Variants in USH2A observed in about 807,000 individuals in gnomAD.
USH2A encodes the protein usherin.
Under a neutral mutation model 538.9 loss-of-function variants are expected in USH2A, and 443 were observed. The observed-to-expected ratio is 0.82, with a 90% CI of 0.76 to 0.89. The LOEUF is 0.89. Ranked by LOEUF, USH2A falls within the 40% of genes least tolerant of loss-of-function variation. The pLI is 0.00. For synonymous variants in USH2A, 2,413 were observed against 2,273.5 expected, an observed-to-expected ratio of 1.06 and a Z score of -1.75; for missense variants, 6,633 against 6,324.8, an observed-to-expected ratio of 1.05 and a Z score of -1.65.
At chr1:216,077,541 T>C (rs1487346630) in intron 27 of USH2A, among the ~76,000 whole-genome samples, 1 of 150,028 alleles carries the variant, frequency 6.7e-6, no homozygotes, top group Admixed American at 6.7e-5. Context: ...TTATCCAACA[T>C]ATGAGGAAAT....
intron 29 of USH2A, 167 bp downstream of exon 29, chr1:216,072,722 T>C: frequency 1.5e-6 from 1 of 683,112 alleles, no homozygotes; most frequent in Non-Finnish European, 2.6e-6. Context: ...AGCACTGATC[T>C]ACTAAGCATT....
intron 48 of USH2A, among the ~76,000 whole-genome samples, chr1:215,815,463 T>C (rs1391432496): frequency 6.6e-6 from 1 of 151,912 alleles, no homozygotes; most frequent in African/African-American, 2.4e-5. Flanking sequence ...GATTTAAAAT[T>C]AAACTAACCG....
chr1:215,720,047 T>C (rs1318283156), intron 61 of USH2A, among the ~76,000 whole-genome samples: 1 of 152,040 alleles, frequency 6.6e-6, no homozygotes, highest in African/African-American at 2.4e-5. Context: ...TTTAGAAAAA[T>C]AGGTGGTAAG....
intron 61 of USH2A, among the ~76,000 whole-genome samples, chr1:215,681,370 G>C (rs890380733): frequency 4.6e-5 from 7 of 151,386 alleles, no homozygotes; most frequent in Non-Finnish European, 1.0e-4. Flanking sequence ...GGCATTTTCT[G>C]TTGCGTACCA....
intron 4 of USH2A, among the ~76,000 whole-genome samples, chr1:216,357,369 C>T (rs1011877826): frequency 1.3e-5 from 2 of 151,938 alleles, no homozygotes; most frequent in Non-Finnish European, 2.9e-5. Flanking sequence ...AAAAATAATT[C>T]TCTCTGAAAA....
At chr1:215,965,233 A>AG in intron 37 of USH2A, 84 bp downstream of exon 37, 17 of 1,450,738 alleles carry the variant, frequency 1.2e-5, no homozygotes, top group Non-Finnish European at 1.5e-5. Flanking sequence ...GCTAAAAGAA[A>AG]GATTTTAGCC....
chr1:216,145,837 G>A (rs2102615019), intron 21 of USH2A, among the ~76,000 whole-genome samples: 1 of 151,766 alleles, frequency 6.6e-6, no homozygotes, highest in East Asian at 2.0e-4. Context: ...CACCCCCACT[G>A]AGCACCTTGC....
chr1:215,746,289 G>A (rs72740647), intron 58 of USH2A, among the ~76,000 whole-genome samples: 7,583 of 152,108 alleles, frequency 0.05, 223 homozygotes, highest in African/African-American at 0.075. Context: ...GCCCTGTAAC[G>A]GAATGGTCTT....
chr1:215,914,429 T>G (rs1420958019), intron 38 of USH2A, among the ~76,000 whole-genome samples: 2 of 152,124 alleles, frequency 1.3e-5, no homozygotes, highest in Admixed American at 6.6e-5. Flanking sequence ...TCAATTAACT[T>G]TTCTGATTTC....
chr1:215,999,104 TA>T, intron 33 of USH2A, 46 bp from the exon 34 acceptor site: 1 of 1,504,964 alleles, frequency 6.6e-7, no homozygotes. Context: ...AAGTCAAAAC[TA>T]AAATATACAG....
At chr1:216,067,571 G>C (rs912242813) in intron 30 of USH2A, among the ~76,000 whole-genome samples, 1 of 151,932 alleles carries the variant, frequency 6.6e-6, no homozygotes, top group Admixed American at 6.6e-5. Flanking sequence ...GTAGTAGTTT[G>C]GGCTGGCCAG....
chr1:215,912,477 GTATATATATATATGTGTATA>G (rs1665820540), intron 38 of USH2A, among the ~76,000 whole-genome samples: 1 of 15,420 alleles, frequency 6.5e-5, no homozygotes, highest in Admixed American at 7.3e-4. Context: ...ATATATATAC[GTATATATATATATGTGTATA>G]TATATATATA....
intron 15 of USH2A, among the ~76,000 whole-genome samples, chr1:216,212,197 A>G (rs2035255814): frequency 6.6e-6 from 1 of 152,156 alleles, no homozygotes; most frequent in Non-Finnish European, 1.5e-5. Context: ...TCACACACAG[A>G]GGCTCTTTCC....
chr1:216,265,530 G>A (rs577290361), intron 11 of USH2A, among the ~76,000 whole-genome samples: 2 of 152,076 alleles, frequency 1.3e-5, no homozygotes, highest in South Asian at 2.1e-4. Context: ...TCAGTACGTT[G>A]AAGAGATATC....
chr1:216,286,415 T>G (rs973259095), intron 11 of USH2A, among the ~76,000 whole-genome samples: 1 of 152,132 alleles, frequency 6.6e-6, no homozygotes, highest in African/African-American at 2.4e-5. Flanking sequence ...CCCAGCCACG[T>G]AGAATTGTAA....
At position 216,323,539 on chromosome 1, in the gene USH2A, T is replaced by C. The variant is rs1419573644; in HGVS notation, c.1485A>G (p.Thr495=). Residue 495 remains threonine, a synonymous_variant, in exon 8 of 72, where the codon ACA becomes ACG. Coordinates refer to ENST00000307340, the MANE Select transcript of USH2A (RefSeq NM_206933.4). ...IRFHFHGQYY[T]TETAVNLRHR... is the part of the protein sequence containing the mutation. Reference sequence around the variant, plus strand: ...GTCTGAGGTTAACAGCAGTCTCAGTTGTATAGTACTGCCCATGAAAATGAA... The same window carrying C: ...GTCTGAGGTTAACAGCAGTCTCAGTCGTATAGTACTGCCCATGAAAATGAA... 1 of 1,613,542 alleles carries C rather than the reference T, an allele frequency of 6.2e-7. No homozygotes were observed. The highest frequency in any genetic ancestry group is 2.2e-5 in the East Asian group (1 of 44,786).
chr1:215,965,923 TCA>T (rs34484768), intron 36 of USH2A, among the ~76,000 whole-genome samples: 33,455 of 142,300 alleles, frequency 0.24, 3,998 homozygotes, highest in East Asian at 0.51. Context: ...CTCTTCTCTG[TCA>T]CACACACACA....
intron 3 of USH2A, among the ~76,000 whole-genome samples, chr1:216,367,015 C>T (rs979788977): frequency 2.6e-5 from 4 of 152,024 alleles, no homozygotes; most frequent in African/African-American, 9.7e-5. Context: ...TGAAATATAA[C>T]TAGTGAAAAG....
Position 215,634,666 on chromosome 1 carries a change from C to CTTTT in USH2A, c.15089_15090insAAAA (p.Arg5031LysfsTer148). The CTTTT allele has an allele frequency of 6.2e-7, 1 of 1,614,230 alleles. No individual in the cohort carries two copies. The highest frequency in any genetic ancestry group is 8.5e-7 in the Non-Finnish European group (1 of 1,180,050). ...TGTAGAACTCTGTGCTTTTGCTCCG[C>CTTTT]GATCCCTTCTTTTTCCCAGGAGTTG... On this transcript the variant is annotated frameshift_variant, in exon 70 of 72. Transcript: ENST00000307340. LOFTEE classifies it high-confidence loss of function.
Sources: gnomAD v4.1 joint callset for allele counts (sites outside exome capture counted in the v4.1 genomes callset) on GRCh38, gnomAD v4.1.1 for gene constraint, MANE v1.5 for transcripts, NCBI Gene and HGNC (gene_info 2026-07-23, HGNC 2026-07-21) for gene names.